The following CDC42BPA variants were observed in gnomAD, a reference collection of about 807,000 sequenced individuals.
CDC42BPA encodes CDC42 binding protein kinase alpha.
Under a neutral mutation model 223.5 loss-of-function variants are expected in CDC42BPA, and 80 were observed. The ratio of observed to expected loss-of-function variants is 0.36; its 90% CI spans 0.30 to 0.43. The LOEUF (loss-of-function observed/expected upper bound fraction) is 0.43, where lower values mean the gene tolerates loss of function less well. Ranked by LOEUF, CDC42BPA falls within the 20% of genes least tolerant of loss-of-function variation. The probability of loss-of-function intolerance (pLI) is 1.00; values close to 1 mark genes in which losing one functional copy is unlikely to be tolerated. For synonymous variants in CDC42BPA, 694 were observed against 718.6 expected (o/e 0.97, Z 0.55); for missense variants, 1,743 against 2,099.9 (o/e 0.83, Z 3.32).
At chr1:227,270,436 G>C (rs1036136387) in intron 1 of CDC42BPA, among the ~76,000 whole-genome samples, 5 of 152,142 alleles carry the variant, frequency 3.3e-5, no homozygotes, top group African/African-American at 1.2e-4. Flanking sequence ...TCTGGGGTCA[G>C]ACAAACCTGA....
At chr1:227,025,268 C>T (rs1668052378) in intron 31 of CDC42BPA, among the ~76,000 whole-genome samples, 1 of 152,010 alleles carries the variant, frequency 6.6e-6, no homozygotes, top group Admixed American at 6.6e-5. Context: ...ACAAAAAAAT[C>T]CACAGAAAAG....
intron 20 of CDC42BPA, among the ~76,000 whole-genome samples, chr1:227,070,642 G>C (rs1403506404): frequency 6.6e-6 from 1 of 151,764 alleles, no homozygotes; most frequent in African/African-American, 2.4e-5. Flanking sequence ...TTCAAATATT[G>C]AGAGTGTGCC....
chr1:227,299,804 A>G (rs570337783), intron 1 of CDC42BPA, among the ~76,000 whole-genome samples: 1 of 152,324 alleles, frequency 6.6e-6, no homozygotes, highest in South Asian at 2.1e-4. Context: ...AAACAGAATG[A>G]TTTCTCATAC....
chr1:227,201,565 C>T (rs1671760222), intron 3 of CDC42BPA, among the ~76,000 whole-genome samples: 1 of 152,068 alleles, frequency 6.6e-6, no homozygotes, highest in East Asian at 1.9e-4. Context: ...AGTCATGTTC[C>T]CATAGTTTCA....
intron 26 of CDC42BPA, among the ~76,000 whole-genome samples, chr1:227,034,064 C>T (rs753655976): frequency 1.3e-5 from 2 of 152,062 alleles, no homozygotes; most frequent in Non-Finnish European, 2.9e-5. Flanking sequence ...CTAGAAATTC[C>T]GGTTTTGAGC....
Position 227,199,094 on chromosome 1 carries a change from T to C in CDC42BPA, c.450+463A>G, listed in dbSNP as rs142726461. Among the ~76,000 whole-genome samples the C allele has an allele frequency of 3.3e-5, 5 of 152,328 alleles. No individual in the cohort carries two copies. The East Asian group carries it at 9.6e-4, about 29-fold the overall frequency. On this transcript the variant is annotated intron_variant, in intron 4 of 36. Coordinates refer to ENST00000366766, the MANE Select transcript of CDC42BPA (RefSeq NM_001394014.1). ...TGTATCAAAAAAAATCAGAGATACA[T>C]GTGTTAGTTATGTAATAAAAATAAT...
chr1:227,289,541 T>C (rs1347533958), intron 1 of CDC42BPA, among the ~76,000 whole-genome samples: 1 of 152,168 alleles, frequency 6.6e-6, no homozygotes, highest in Non-Finnish European at 1.5e-5. Flanking sequence ...TCTGAAATAA[T>C]CTTATTTACA....
chr1:227,254,029 A>T (rs750345130), intron 2 of CDC42BPA, 35 bp downstream of exon 2: 1 of 1,156,640 alleles, frequency 8.6e-7, no homozygotes, highest in South Asian at 1.3e-5. Flanking sequence ...TTCCAAAATA[A>T]TTAGCAGACC....
chr1:227,109,875 G>A (rs1205176345), intron 14 of CDC42BPA, among the ~76,000 whole-genome samples: 1 of 151,542 alleles, frequency 6.6e-6, no homozygotes, highest in Non-Finnish European at 1.5e-5. Flanking sequence ...TGTATATGCA[G>A]TCTGTGGCTG....
chr1:227,021,999 A>G (rs1667459331), intron 32 of CDC42BPA, among the ~76,000 whole-genome samples: 1 of 151,164 alleles, frequency 6.6e-6, no homozygotes, highest in African/African-American at 2.4e-5. Context: ...CAGCCTCGCA[A>G]CAGAGCGAGA....
rs759663062 is a variant in CDC42BPA at position 227,147,437 on chromosome 1, C to T, written c.816G>A (p.Met272Ile). 5.0e-6 allele frequency: 8 copies of T among 1,613,452 alleles called. No homozygotes were observed. The highest frequency in any genetic ancestry group is 1.3e-5 in the African/African-American group (1 of 74,908). Residue 272 changes from methionine (M) to isoleucine (I), a missense_variant, in exon 7 of 37, where the codon ATG becomes ATA. Transcript: ENST00000366766. ...GTGTTTCTCCGTAAAGCATTTCATACATACAGACCCCCAAAGACCACCAGT... is the reference window on the plus strand; with the variant it reads ...GTGTTTCTCCGTAAAGCATTTCATATATACAGACCCCCAAAGACCACCAGT... ...ECDWWSLGVC[M>I]YEMLYGETPF...
At chr1:227,264,761 C>G in intron 1 of CDC42BPA, 1 of 894,468 alleles carries the variant, frequency 1.1e-6, no homozygotes, top group Non-Finnish European at 1.9e-6. Context: ...GCCATGAGGT[C>G]TTCCAAGCTT....
chr1:227,064,241 T>C (rs192856338), intron 21 of CDC42BPA, among the ~76,000 whole-genome samples: 3 of 152,298 alleles, frequency 2.0e-5, no homozygotes, highest in Admixed American at 6.5e-5. Flanking sequence ...TCCAGGCAAA[T>C]GGGCAATTTC....
chr1:227,149,689 C>T (rs1661369687), intron 6 of CDC42BPA, among the ~76,000 whole-genome samples: 1 of 151,892 alleles, frequency 6.6e-6, no homozygotes, highest in Non-Finnish European at 1.5e-5. Context: ...ATACAGTTGA[C>T]GAGAATAATA....
At chr1:227,097,801 C>T (rs957424503) in intron 15 of CDC42BPA, among the ~76,000 whole-genome samples, 1 of 152,178 alleles carries the variant, frequency 6.6e-6, no homozygotes, top group African/African-American at 2.4e-5. Context: ...GTGCATGCAG[C>T]CCCTCCCAAG....
intron 2 of CDC42BPA, among the ~76,000 whole-genome samples, chr1:227,217,434 T>G (rs1381956930): frequency 4.0e-5 from 6 of 148,300 alleles, no homozygotes; most frequent in East Asian, 4.0e-4. Flanking sequence ...CTGAAGTGAG[T>G]GAGACTCTGT....
chr1:227,177,767 T>C lies in CDC42BPA; in HGVS notation c.599+16019A>G, dbSNP rs192291417. Reference sequence around the variant, plus strand: ...TCTGTCCTATTGTCTCTATTCTCTCTACCTGGAACTCCAATTACTTGCATG... The same window carrying C: ...TCTGTCCTATTGTCTCTATTCTCTCCACCTGGAACTCCAATTACTTGCATG... On this transcript the variant is annotated intron_variant, in intron 5 of 36. Transcript: ENST00000366766. 5.3e-5 allele frequency among the ~76,000 whole-genome samples: 8 copies of C among 152,294 alleles called. No homozygotes were observed. In the East Asian group the frequency reaches 1.5e-3, roughly 29 times the overall value.
chr1:227,205,624 C>A (rs1335601478), intron 3 of CDC42BPA, among the ~76,000 whole-genome samples: 1 of 147,310 alleles, frequency 6.8e-6, no homozygotes, highest in Non-Finnish European at 1.5e-5. Flanking sequence ...ACAAGGATAA[C>A]AACAATAGAA....
At chr1:227,293,096 G>A (rs186711596) in intron 1 of CDC42BPA, among the ~76,000 whole-genome samples, 37 of 152,052 alleles carry the variant, frequency 2.4e-4, no homozygotes, top group Admixed American at 1.5e-3. Flanking sequence ...GCTTAACTCC[G>A]TTGTTCACTC....
Sources: allele counts gnomAD v4.1 joint callset (sites outside exome capture counted in the v4.1 genomes callset), GRCh38; gene constraint gnomAD v4.1.1; transcripts MANE v1.5; gene names NCBI Gene and HGNC (gene_info 2026-07-23, HGNC 2026-07-21).